RUFY2: variants seen among roughly 807,000 people sequenced by gnomAD.
RUFY2 encodes the protein RUN and FYVE domain-containing protein 2.
A neutral mutation model predicts 94.4 loss-of-function variants in RUFY2; 49 were observed. The observed-to-expected ratio is 0.52, with a 90% CI of 0.41 to 0.66. The LOEUF is 0.66. Among genes scored for constraint, RUFY2 ranks in the 30% least tolerant of loss-of-function variants. RUFY2 has a pLI of 0.00. For missense variants in RUFY2, 541 were observed against 692.8 expected (o/e 0.78, Z 2.46); for synonymous variants, 255 against 235.7 (o/e 1.08, Z -0.75).
chr10:68,350,719 G>T (rs1340221398), intron 16 of RUFY2, among the ~76,000 whole-genome samples: 2 of 147,986 alleles, frequency 1.4e-5, no homozygotes, highest in Non-Finnish European at 3.0e-5. Flanking sequence ...TTTGTTTTTG[G>T]TTTTTTTTTT....
At chr10:68,402,681 T>C (rs1475820026) in intron 2 of RUFY2, among the ~76,000 whole-genome samples, 3 of 151,752 alleles carry the variant, frequency 2.0e-5, no homozygotes, top group African/African-American at 4.8e-5. Flanking sequence ...GCACTCCTGA[T>C]TTTTTGAAAA....
chr10:68,341,922 T>G (rs531982186), downstream of RUFY2: 39 of 1,598,174 alleles, frequency 2.4e-5, no homozygotes, highest in Middle Eastern at 5.0e-4. Flanking sequence ...GGTATTACTT[T>G]TATTATTTTA....
chr10:68,400,434 T>G (rs2050728740), intron 3 of RUFY2, among the ~76,000 whole-genome samples: 1 of 152,008 alleles, frequency 6.6e-6, no homozygotes, highest in Non-Finnish European at 1.5e-5. Flanking sequence ...CCCAGCACTT[T>G]GGGAGGCCAA....
chr10:68,406,673 C>T (rs1185105920), intron 1 of RUFY2: 4 of 1,319,368 alleles, frequency 3.0e-6, no homozygotes, highest in Non-Finnish European at 4.1e-6. Context: ...AGCCCCTTCC[C>T]TGCCTCTCTT....
downstream of RUFY2, chr10:68,341,327 C>T (rs554051338): frequency 5.0e-6 from 8 of 1,589,684 alleles, no homozygotes; most frequent in African/African-American, 6.8e-5. Context: ...GTGTCTTTGG[C>T]ACACAATCTT....
At chr10:68,353,991 C>T (rs1486875810) in intron 16 of RUFY2, among the ~76,000 whole-genome samples, 1 of 151,822 alleles carries the variant, frequency 6.6e-6, no homozygotes, top group Admixed American at 6.6e-5. Flanking sequence ...ATAGTACATA[C>T]TGAACATTAG....
intron 1 of RUFY2, chr10:68,406,982 G>T (rs777232859): frequency 2.0e-6 from 3 of 1,530,538 alleles, no homozygotes; most frequent in South Asian, 2.5e-5. Flanking sequence ...GGGCGGGAAC[G>T]GGCCGGAACA....
rs1057466385 is a variant in RUFY2 at position 68,405,477 on chromosome 10, C to A, written c.5-633G>T. The A allele has an allele frequency of 1.3e-5, 13 of 974,132 alleles. No individual in the cohort carries two copies. In the African/African-American group the frequency reaches 2.3e-4, roughly 17 times the overall value. The allele number at this position is 974,132 out of a possible 1,614,324, so 60.3% of individuals were successfully genotyped here. A position where few individuals can be genotyped will look rare whatever the true frequency, so the allele number is the denominator to read the frequency against. On this transcript the variant is annotated intron_variant, in intron 1 of 17. Transcript: ENST00000602465. ...TAGAGAATGAGTTTTTTAAAATGAT[C>A]TTCTATGGAGATAAATTTGGGGTGA...
chr10:68,353,085 C>T (rs549031470), intron 16 of RUFY2, among the ~76,000 whole-genome samples: 1 of 152,104 alleles, frequency 6.6e-6, no homozygotes, highest in Non-Finnish European at 1.5e-5. Flanking sequence ...GTAAGCCCAG[C>T]ACTTTGGGAG....
At chr10:68,384,818 A>G (rs962571649) in intron 8 of RUFY2, among the ~76,000 whole-genome samples, 1 of 152,222 alleles carries the variant, frequency 6.6e-6, no homozygotes, top group Admixed American at 6.5e-5. Context: ...TCAGGAATCA[A>G]CTTGAACTTC....
rs1368879007 is a variant in RUFY2, at chr10:68,398,344, T to A, written c.297-1463A>T. Among the ~76,000 whole-genome samples the A allele has an allele frequency of 2.0e-5, 3 of 152,140 alleles. No homozygotes were observed. In the East Asian group the frequency reaches 5.8e-4, roughly 29 times the overall value. ...AAATCTCATACCTCTCTTACCCAAG[T>A]TCTATCTGTTATTAAAAATAAAAGT... On this transcript the variant is annotated intron_variant, in intron 3 of 17. Coordinates refer to ENST00000602465, the MANE Select transcript of RUFY2 (RefSeq NM_001330103.2).
intron 15 of RUFY2, among the ~76,000 whole-genome samples, chr10:68,356,556 T>A (rs564829403): frequency 1.8e-3 from 275 of 151,856 alleles, no homozygotes; most frequent in Non-Finnish European, 3.2e-3. Context: ...GCAAATACTT[T>A]CCCACTTTTT....
intron 13 of RUFY2, among the ~76,000 whole-genome samples, chr10:68,368,016 A>T (rs1276987775): frequency 6.9e-6 from 1 of 144,432 alleles, no homozygotes; most frequent in African/African-American, 2.6e-5. Flanking sequence ...CCCAGGCTGG[A>T]GTGAAGTGGC....
chr10:68,370,428 T>C (rs1324659934), intron 13 of RUFY2, among the ~76,000 whole-genome samples: 1 of 149,426 alleles, frequency 6.7e-6, no homozygotes, highest in Non-Finnish European at 1.5e-5. Flanking sequence ...CATGCAGCAG[T>C]AACAAGGCAT....
At chr10:68,361,216 T>C (rs1436785313) in intron 15 of RUFY2, among the ~76,000 whole-genome samples, 3 of 151,812 alleles carry the variant, frequency 2.0e-5, no homozygotes, top group African/African-American at 4.8e-5. Flanking sequence ...GAGGCAGAGG[T>C]TGCAGTGAGC....
chr10:68,384,626 T>TA (rs1391577297), intron 8 of RUFY2, among the ~76,000 whole-genome samples: 1 of 152,178 alleles, frequency 6.6e-6, no homozygotes, highest in Non-Finnish European at 1.5e-5. Context: ...CCATGAAGTC[T>TA]AGACATGTAA....
At chr10:68,341,386 TAACG>T (rs2134778719), downstream of RUFY2, 3 of 1,454,204 alleles carry the variant, frequency 2.1e-6, no homozygotes, top group South Asian at 3.7e-5. Context: ...GATCTGTAGG[TAACG>T]CTTGGCAGTT....
At chr10:68,400,488 A>G (rs575862362) in intron 3 of RUFY2, among the ~76,000 whole-genome samples, 2 of 150,982 alleles carry the variant, frequency 1.3e-5, no homozygotes, top group African/African-American at 4.9e-5. Context: ...CATCCTGGCT[A>G]ACATGGTGAA....
At chr10:68,352,839 G>A (rs773127364) in intron 16 of RUFY2, among the ~76,000 whole-genome samples, 3 of 151,916 alleles carry the variant, frequency 2.0e-5, no homozygotes, top group Non-Finnish European at 4.4e-5. Flanking sequence ...AGGATCACTT[G>A]AACCCGGGAG....
Sources: allele counts gnomAD v4.1 joint callset (sites outside exome capture counted in the v4.1 genomes callset), GRCh38; gene constraint gnomAD v4.1.1; transcripts MANE v1.5; gene names NCBI Gene and HGNC (gene_info 2026-07-23, HGNC 2026-07-21).